PCED1B: variants seen among roughly 807,000 people sequenced by gnomAD.
PCED1B encodes the protein PC-esterase domain-containing protein 1B.
For missense variants in PCED1B, 573 were observed against 573.9 expected (o/e 1.00, Z 0.02); for synonymous variants, 251 against 246.1 (o/e 1.02, Z -0.19).
At chr12:47,159,924 A>G (rs1195697383) in intron 2 of PCED1B, among the ~76,000 whole-genome samples, 2 of 152,116 alleles carry the variant, frequency 1.3e-5, no homozygotes, top group Non-Finnish European at 2.9e-5. Flanking sequence ...ATGTGGTGAG[A>G]GATAGGGGTC....
At chr12:47,213,408 G>A (rs180994145) in intron 2 of PCED1B, among the ~76,000 whole-genome samples, 8 of 152,218 alleles carry the variant, frequency 5.3e-5, no homozygotes, top group African/African-American at 1.2e-4. Context: ...TGGCCCATTC[G>A]TTTAAGGCAG....
At chr12:47,187,835 A>T (rs1203067402) in intron 2 of PCED1B, 2 of 154,000 alleles carry the variant, frequency 1.3e-5, no homozygotes, top group Non-Finnish European at 2.9e-5. Context: ...GTCTTCCTCT[A>T]CATTTCCACC....
intron 2 of PCED1B, among the ~76,000 whole-genome samples, chr12:47,191,102 G>A (rs1473443206): frequency 6.6e-6 from 1 of 152,164 alleles, no homozygotes; most frequent in Non-Finnish European, 1.5e-5. Context: ...ATGCATGGAG[G>A]AAGACAAGGA....
At chr12:47,083,015 G>A (rs1423276554) in intron 1 of PCED1B, among the ~76,000 whole-genome samples, 2 of 149,226 alleles carry the variant, frequency 1.3e-5, no homozygotes. Context: ...GCTGAGAAGG[G>A]GGTGTGGTCA....
chr12:47,172,340 CTTT>C (rs34230051), intron 2 of PCED1B, among the ~76,000 whole-genome samples: 3,165 of 78,338 alleles, frequency 0.04, 49 homozygotes, highest in South Asian at 0.12. Flanking sequence ...TCGTGGGTTG[CTTT>C]TTTTTTTTTT....
At chr12:47,201,283 G>A (rs533507332) in intron 2 of PCED1B, among the ~76,000 whole-genome samples, 2 of 152,288 alleles carry the variant, frequency 1.3e-5, no homozygotes, top group South Asian at 2.1e-4. Context: ...GGGGCTTTGG[G>A]CGTTATCAAT....
intron 2 of PCED1B, among the ~76,000 whole-genome samples, chr12:47,208,238 T>TTTTG (rs540893825): frequency 6.0e-4 from 58 of 96,872 alleles, no homozygotes; most frequent in African/African-American, 1.5e-3. Flanking sequence ...CCATTTTGGT[T>TTTTG]TTTGTTTGTT....
chr12:47,236,272 T>G lies in PCED1B; in HGVS notation c.1209T>G (p.Tyr403Ter). 1.9e-6 allele frequency: 3 copies of G among 1,614,154 alleles called. No individual in the cohort carries two copies. Among genetic ancestry groups the G allele is most frequent in the Non-Finnish European group, 2.5e-6 (3 of 1,180,026 alleles). ...APVVHRGFGR[Y>*]RPRGPYTPWG... ...TGGTACATAGGGGTTTTGGCAGGTA[T>G]CGTCCCCGTGGCCCCTATACGCCCT... The change falls in exon 4 of 4, where the codon TAT becomes TAG. Residue 403 changes from tyrosine (Y) to a stop codon, truncating the protein, a stop_gained. Transcript: ENST00000546455. LOFTEE classifies it low-confidence loss of function (END_TRUNC).
intron 2 of PCED1B, among the ~76,000 whole-genome samples, chr12:47,135,010 C>T (rs780690540): frequency 4.2e-4 from 64 of 152,214 alleles, no homozygotes; most frequent in Non-Finnish European, 6.0e-4. Context: ...AGAATCATTT[C>T]ATATACATAC....
At chr12:47,168,040 C>G (rs1048504275) in intron 2 of PCED1B, among the ~76,000 whole-genome samples, 1 of 152,052 alleles carries the variant, frequency 6.6e-6, no homozygotes, top group African/African-American at 2.4e-5. Context: ...GATGGGGACA[C>G]TAACATTAAA....
At chr12:47,089,490 A>ATATATATATATG (rs1565740154) in intron 1 of PCED1B, among the ~76,000 whole-genome samples, 2 of 88,512 alleles carry the variant, frequency 2.3e-5, no homozygotes, top group African/African-American at 9.1e-5. Flanking sequence ...ATATATATAT[A>ATATATATATATG]TATGTATATA....
At chr12:47,092,689 C>G (rs1408731573) in intron 1 of PCED1B, among the ~76,000 whole-genome samples, 4 of 152,012 alleles carry the variant, frequency 2.6e-5, no homozygotes, top group Non-Finnish European at 5.9e-5. Context: ...TAAGAAAGTT[C>G]TGTTCTTAAT....
At chr12:47,226,534 C>T (rs919723415) in intron 3 of PCED1B, among the ~76,000 whole-genome samples, 1 of 152,270 alleles carries the variant, frequency 6.6e-6, no homozygotes, top group Middle Eastern at 3.4e-3. Flanking sequence ...CCACCACACC[C>T]GGCTAATTTT....
chr12:47,149,343 GC>G (rs1423627356), intron 2 of PCED1B, among the ~76,000 whole-genome samples: 2 of 152,080 alleles, frequency 1.3e-5, no homozygotes, highest in Non-Finnish European at 2.9e-5. Flanking sequence ...CCCAATTATG[GC>G]TCCATTCTCT....
intron 2 of PCED1B, among the ~76,000 whole-genome samples, chr12:47,115,401 T>C (rs1322947327): frequency 1.3e-5 from 2 of 152,178 alleles, no homozygotes; most frequent in Admixed American, 6.6e-5. Flanking sequence ...GGACCCTTCA[T>C]TTTGTACTTT....
rs911302670 is a variant in PCED1B at position 47,236,573 on chromosome 12, G to A, written c.*211G>A. On this transcript the variant is annotated 3_prime_UTR_variant, in exon 4 of 4. Coordinates refer to ENST00000546455, the MANE Select transcript of PCED1B (RefSeq NM_138371.3). ...CTGCAGCCTCTTCCCCACTTCCTGG[G>A]AGTGACCCAGCGTTATTCCTGCCTC... is the stretch of plus-strand genomic sequence containing the variant. The A allele has an allele frequency of 2.5e-5, 13 of 528,142 alleles. No individual in the cohort carries two copies. In the Admixed American group the frequency reaches 4.8e-4, roughly 19 times the overall value. 32.7% of individuals were successfully genotyped at this position (528,142 alleles called of 1,614,324 possible). A position where few individuals can be genotyped will look rare whatever the true frequency, so the allele number is the denominator to read the frequency against.
intron 1 of PCED1B, among the ~76,000 whole-genome samples, chr12:47,087,332 A>G (rs753465420): frequency 2.0e-5 from 3 of 152,226 alleles, no homozygotes; most frequent in African/African-American, 7.2e-5. Flanking sequence ...AATGAGGGCC[A>G]TGGGGCTTTG....
chr12:47,109,927 A>AG (rs2137256454), intron 2 of PCED1B, among the ~76,000 whole-genome samples: 1 of 152,286 alleles, frequency 6.6e-6, no homozygotes, highest in African/African-American at 2.4e-5. Context: ...CCCTTGTAGT[A>AG]AACACCTCTA....
At chr12:47,111,427 T>G (rs560356008) in intron 2 of PCED1B, among the ~76,000 whole-genome samples, 22 of 152,326 alleles carry the variant, frequency 1.4e-4, no homozygotes, top group African/African-American at 5.1e-4. Flanking sequence ...TGTGGTAGAA[T>G]ACACATAACA....
Sources: gnomAD v4.1 joint callset for allele counts (sites outside exome capture counted in the v4.1 genomes callset) on GRCh38, gnomAD v4.1.1 for gene constraint, MANE v1.5 for transcripts, NCBI Gene and HGNC (gene_info 2026-07-23, HGNC 2026-07-21) for gene names.